Variants in NRG1 observed in about 807,000 individuals in gnomAD.
NRG1 encodes neuregulin 1.
Under a neutral mutation model 63.8 loss-of-function variants are expected in NRG1, and 18 were observed. That is an observed-to-expected ratio of 0.28 (90% CI 0.19 to 0.42). The LOEUF is 0.42. Among genes scored for constraint, NRG1 ranks in the 10% least tolerant of loss-of-function variants. The probability of loss-of-function intolerance (pLI) is 1.00; values close to 1 mark genes in which losing one functional copy is unlikely to be tolerated. For synonymous variants in NRG1, 302 were observed against 301.3 expected (o/e 1.00, Z -0.02); for missense variants, 762 against 814.7 (o/e 0.94, Z 0.79).
chr8:31,739,571 CTG>C (rs1815055870), intron 1 of NRG1, among the ~76,000 whole-genome samples: 1 of 152,004 alleles, frequency 6.6e-6, no homozygotes, highest in African/African-American at 2.4e-5. Flanking sequence ...AACTACGACT[CTG>C]TGTGCTAAAA....
chr8:32,682,176 A>T (rs568159753), intron 5 of NRG1, among the ~76,000 whole-genome samples: 1 of 152,292 alleles, frequency 6.6e-6, no homozygotes, highest in South Asian at 2.1e-4. Flanking sequence ...TTTTGTAGGT[A>T]ATCAGGTGAT....
intron 1 of NRG1, among the ~76,000 whole-genome samples, chr8:32,439,377 G>T (rs560804643): frequency 6.6e-6 from 1 of 152,032 alleles, no homozygotes; most frequent in African/African-American, 2.4e-5. Flanking sequence ...TTTTTATTTG[G>T]CAGTTTTATT....
In NRG1 at chr8:32,025,744, G is replaced by A. The variant is rs577295688; in HGVS notation, c.37+386313G>A. Among the ~76,000 whole-genome samples the A allele has an allele frequency of 4.0e-5, 6 of 151,894 alleles. 1 individual carries two copies. Among genetic ancestry groups the A allele is most frequent in the African/African-American group, 1.4e-4 (6 of 41,380 alleles). ...GGGCGGATCACGAGGTCAGGAGATC[G>A]AGACCATCCTGGCTAACAAGGTGAA... On this transcript the variant is annotated intron_variant, in intron 1 of 10. Coordinates refer to the NRG1 transcript ENST00000519301.
chr8:31,764,478 G>A (rs1366300686), intron 1 of NRG1, among the ~76,000 whole-genome samples: 2 of 152,074 alleles, frequency 1.3e-5, no homozygotes, highest in Admixed American at 6.6e-5. Context: ...TAAATGAAAT[G>A]ATGTAGTATA....
chr8:32,551,043 G>A (rs1207906619), intron 1 of NRG1, among the ~76,000 whole-genome samples: 1 of 152,152 alleles, frequency 6.6e-6, no homozygotes, highest in Non-Finnish European at 1.5e-5. Flanking sequence ...GAAGCACATG[G>A]CATTAAATAC....
chr8:32,445,166 G>T (rs946568880), intron 1 of NRG1, among the ~76,000 whole-genome samples: 4 of 152,082 alleles, frequency 2.6e-5, no homozygotes, highest in African/African-American at 7.2e-5. Context: ...TTATAAAATG[G>T]CATAGTATTT....
chr8:32,214,996 A>G (rs565242072), intron 1 of NRG1, among the ~76,000 whole-genome samples: 1 of 152,364 alleles, frequency 6.6e-6, no homozygotes, highest in South Asian at 2.1e-4. Flanking sequence ...ATGAACTTGA[A>G]TAATCCCTTA....
At chr8:32,579,195 C>CTTTTTTTTTTTTTTT (rs71208196) in intron 1 of NRG1, among the ~76,000 whole-genome samples, 2 of 105,440 alleles carry the variant, frequency 1.9e-5, no homozygotes, top group African/African-American at 3.4e-5. Context: ...TTTCTTCTGT[C>CTTTTTTTTTTTTTTT]TTTTTTTTTT....
intron 1 of NRG1, among the ~76,000 whole-genome samples, chr8:32,447,410 G>T (rs1820402457): frequency 6.6e-6 from 1 of 152,026 alleles, no homozygotes; most frequent in Non-Finnish European, 1.5e-5. Flanking sequence ...AAACACTTCT[G>T]CAAAATAACA....
chr8:31,868,855 C>T (rs539182774), intron 1 of NRG1, among the ~76,000 whole-genome samples: 1 of 152,204 alleles, frequency 6.6e-6, no homozygotes, highest in Non-Finnish European at 1.5e-5. Flanking sequence ...CAGGAATCAA[C>T]TTGCGTCTAT....
intron 1 of NRG1, among the ~76,000 whole-genome samples, chr8:31,658,325 C>T (rs1176340858): frequency 1.3e-5 from 2 of 152,176 alleles, no homozygotes; most frequent in Middle Eastern, 3.2e-3. Flanking sequence ...ACTCTGTACT[C>T]ATGACCTTGG....
chr8:31,826,747 T>A (rs1404156626), intron 1 of NRG1, among the ~76,000 whole-genome samples: 1 of 152,202 alleles, frequency 6.6e-6, no homozygotes, highest in Non-Finnish European at 1.5e-5. Context: ...GGGGCTTGCA[T>A]CCCTGATGAC....
At chr8:32,290,740 A>G (rs1020518379) in intron 1 of NRG1, among the ~76,000 whole-genome samples, 1 of 152,170 alleles carries the variant, frequency 6.6e-6, no homozygotes. Flanking sequence ...AGATTTTATT[A>G]TATTTGCTGC....
intron 1 of NRG1, among the ~76,000 whole-genome samples, chr8:31,653,955 CT>C (rs35705418): frequency 8.0e-4 from 117 of 146,876 alleles, no homozygotes; most frequent in East Asian, 2.4e-3. Context: ...TCATGATGCG[CT>C]TTTTTTTTTT....
chr8:31,696,580 G>A (rs571253261), intron 1 of NRG1, among the ~76,000 whole-genome samples: 63 of 152,322 alleles, frequency 4.1e-4, no homozygotes, highest in African/African-American at 1.4e-3. Context: ...GACCTGATGT[G>A]TCTTGGGTGT....
chr8:31,761,342 A>G (rs1474418769), intron 1 of NRG1, among the ~76,000 whole-genome samples: 2 of 152,138 alleles, frequency 1.3e-5, no homozygotes, highest in Non-Finnish European at 2.9e-5. Context: ...TAGGAGATAT[A>G]CCTAATGCTA....
chr8:31,991,688 A>G (rs1811120584), intron 1 of NRG1, among the ~76,000 whole-genome samples: 1 of 151,948 alleles, frequency 6.6e-6, no homozygotes, highest in African/African-American at 2.4e-5. Context: ...GTGGGTGTGT[A>G]TCAAGTTTTC....
chr8:32,690,026 A>G (rs776023896), intron 5 of NRG1, among the ~76,000 whole-genome samples: 2 of 152,164 alleles, frequency 1.3e-5, no homozygotes, highest in Non-Finnish European at 2.9e-5. Context: ...TAGGGAAAGC[A>G]TTCTAGAATG....
intron 1 of NRG1, among the ~76,000 whole-genome samples, chr8:32,408,744 T>G (rs1814461872): frequency 6.6e-6 from 1 of 151,970 alleles, no homozygotes; most frequent in Non-Finnish European, 1.5e-5. Flanking sequence ...TTTTTTTAAG[T>G]TTTTCTGTTT....
Sources: gnomAD v4.1 joint callset for allele counts (sites outside exome capture counted in the v4.1 genomes callset) on GRCh38, gnomAD v4.1.1 for gene constraint, MANE v1.5 for transcripts, NCBI Gene and HGNC (gene_info 2026-07-23, HGNC 2026-07-21) for gene names.